Variants in VIPR1 observed in about 807,000 individuals in gnomAD.
VIPR1 encodes vasoactive intestinal peptide receptor 1.
VIPR1 carries 59 observed loss-of-function variants against 58.8 expected under a neutral mutation model. That is an observed-to-expected ratio of 1.00 (90% CI 0.81 to 1.25). VIPR1 has a LOEUF of 1.25. VIPR1 is among the 50% of genes most tolerant of loss of function. VIPR1 has a pLI of 0.00. For missense variants in VIPR1, 626 were observed against 602.7 expected (o/e 1.04, Z -0.40); for synonymous variants, 251 against 242.1 (o/e 1.04, Z -0.34).
intron 1 of VIPR1, among the ~76,000 whole-genome samples, chr3:42,496,698 T>A (rs1472305262): frequency 2.0e-5 from 3 of 152,234 alleles, no homozygotes; most frequent in African/African-American, 7.2e-5. Context: ...GTGCCTTTTG[T>A]TTTCTATCTT....
chr3:42,495,818 A>G (rs940993532), intron 1 of VIPR1, among the ~76,000 whole-genome samples: 3 of 152,156 alleles, frequency 2.0e-5, no homozygotes, highest in Admixed American at 6.5e-5. Flanking sequence ...AGCTGCAAAA[A>G]ATTGAACCAC....
At chr3:42,518,742 T>TAAGTAAATAAATAATA (rs138284734) in intron 2 of VIPR1, among the ~76,000 whole-genome samples, 42,432 of 151,888 alleles carry the variant, frequency 0.28, 9,078 homozygotes, top group African/African-American at 0.59. Context: ...AAAAAATAAG[T>TAAGTAAATAAATAATA]AAGTAAATGG....
chr3:42,493,638 C>T (rs991501705), intron 1 of VIPR1, among the ~76,000 whole-genome samples: 5 of 152,190 alleles, frequency 3.3e-5, no homozygotes, highest in Admixed American at 2.6e-4. Context: ...ACCCATCCTT[C>T]AGTCAGGGGA....
chr3:42,489,678 G>T (rs1033025386), exon 1 of VIPR1: 1 of 152,236 alleles, frequency 6.6e-6, no homozygotes, highest in Non-Finnish European at 1.5e-5. Flanking sequence ...CCGTGTGGAC[G>T]GTAGGGTAAG....
chr3:42,496,150 T>C (rs1577190808), intron 1 of VIPR1, among the ~76,000 whole-genome samples: 1 of 152,190 alleles, frequency 6.6e-6, no homozygotes, highest in East Asian at 1.9e-4. Flanking sequence ...AGCAGGAGAA[T>C]GGCTTGAACC....
rs756852709 is a variant in VIPR1, at chr3:42,532,232, C to T, written c.919-10C>T. 25 of 1,614,144 alleles carry T rather than the reference C, an allele frequency of 1.5e-5. No homozygotes were observed. In the East Asian group the frequency reaches 3.3e-4, roughly 22 times the overall value. On this transcript the variant is annotated splice_polypyrimidine_tract_variant and intron_variant, in intron 9 of 12. Transcript: ENST00000325123. Reference sequence around the variant, plus strand: ...CTCTGACTGCCCGAACTCGGGTCCCCACCCACTAGGTAAACTTCATCCTGT... The same window carrying T: ...CTCTGACTGCCCGAACTCGGGTCCCTACCCACTAGGTAAACTTCATCCTGT...
intron 6 of VIPR1, chr3:42,530,353 T>C (rs1255187083): frequency 5.5e-6 from 1 of 180,424 alleles, no homozygotes; most frequent in East Asian, 1.4e-4. Context: ...AATGGAGAGA[T>C]AGGTGTGTGG....
upstream of VIPR1, among the ~76,000 whole-genome samples, chr3:42,498,073 C>G (rs1699800915): frequency 6.6e-6 from 1 of 152,208 alleles, no homozygotes; most frequent in Non-Finnish European, 1.5e-5. Context: ...CTTCCTCTAT[C>G]CCCTGGAGCA....
At chr3:42,495,053 A>G (rs1431539219) in intron 1 of VIPR1, among the ~76,000 whole-genome samples, 1 of 152,212 alleles carries the variant, frequency 6.6e-6, no homozygotes, top group East Asian at 1.9e-4. Flanking sequence ...TAAGAAAATC[A>G]AACCCAAATA....
At chr3:42,495,341 TCC>T (rs1699738549) in intron 1 of VIPR1, among the ~76,000 whole-genome samples, 1 of 152,188 alleles carries the variant, frequency 6.6e-6, no homozygotes, top group Non-Finnish European at 1.5e-5. Flanking sequence ...CAGGATGGTT[TCC>T]ATCTCCTGAC....
Position 42,536,109 on chromosome 3 carries a change from G to A in VIPR1, c.1202G>A (p.Arg401Gln). Residue 401 changes from arginine to glutamine, a missense_variant, in exon 13 of 13, where the codon CGG (arginine) becomes CAG (glutamine). Transcript: ENST00000325123. Reference sequence around the variant, plus strand: ...TCCTAGGTGCAGGCGGAGCTGAGGCGGAAGTGGCGGCGCTGGCACCTGCAG... The same window carrying A: ...TCCTAGGTGCAGGCGGAGCTGAGGCAGAAGTGGCGGCGCTGGCACCTGCAG... ...LNGEVQAELR[R>Q]KWRRWHLQGV... 3 of 1,601,200 alleles carry A rather than the reference G, an allele frequency of 1.9e-6. No homozygotes were observed. The highest frequency in any genetic ancestry group is 1.3e-5 in the African/African-American group (1 of 74,774).
At chr3:42,497,659 C>G (rs1699790070), upstream of VIPR1, among the ~76,000 whole-genome samples, 1 of 152,084 alleles carries the variant, frequency 6.6e-6, no homozygotes, top group Non-Finnish European at 1.5e-5. Flanking sequence ...GTGGGAGGGA[C>G]CTGGTGGGAG....
chr3:42,523,588 C>G (rs561257697), intron 3 of VIPR1, among the ~76,000 whole-genome samples: 2 of 145,996 alleles, frequency 1.4e-5, no homozygotes, highest in African/African-American at 5.2e-5. Context: ...AATGTTTACC[C>G]TAACACCTCC....
At chr3:42,535,714 G>A (rs960640807) in intron 12 of VIPR1, among the ~76,000 whole-genome samples, 1 of 152,140 alleles carries the variant, frequency 6.6e-6, no homozygotes, top group Non-Finnish European at 1.5e-5. Context: ...AGTGGGGAGG[G>A]ATGAGGGCTT....
In VIPR1 at chr3:42,514,541, C is replaced by CCACACACACACA. The variant is rs111610459; in HGVS notation, c.184+708_184+719dup. Reference sequence around the variant, plus strand: ...TACATCCAGAGGACCGATAGTGACACCACACACACACACACACACACACAC... The same window carrying CCACACACACACA: ...TACATCCAGAGGACCGATAGTGACACCACACACACACACACACACACACACACACACACACAC... On this transcript the variant is annotated intron_variant, in intron 2 of 12. Coordinates refer to ENST00000325123, the MANE Select transcript of VIPR1 (RefSeq NM_004624.4). Among the ~76,000 whole-genome samples, 960 of 144,144 alleles carry CCACACACACACA rather than the reference C, an allele frequency of 6.7e-3. 12 individuals are homozygous for CCACACACACACA. The highest frequency in any genetic ancestry group is 0.02 in the East Asian group (92 of 4,712). The allele number at this position is 144,144 out of a possible 152,430, so 94.6% of individuals were successfully genotyped here.
intron 10 of VIPR1, chr3:42,534,408 A>C (rs1701737074): frequency 6.5e-6 from 1 of 152,964 alleles, no homozygotes; most frequent in South Asian, 2.1e-4. Context: ...CATAGTACCC[A>C]AAACACTTCC....
At chr3:42,516,566 A>G (rs1700637122) in intron 2 of VIPR1, 1 of 152,290 alleles carries the variant, frequency 6.6e-6, no homozygotes, top group African/African-American at 2.4e-5. Flanking sequence ...TCAGGGCCAG[A>G]GACCCAGCCC....
Position 42,536,658 on chromosome 3 carries a change from A to C in VIPR1, c.*377A>C. ...AAAGCAACCGGTGGATCCTCAAACA[A>C]CACTGGTGTGACCTGAGGGCAGAAA... On this transcript the variant is annotated 3_prime_UTR_variant, in exon 13 of 13. Coordinates refer to ENST00000325123, the MANE Select transcript of VIPR1 (RefSeq NM_004624.4). The C allele has an allele frequency of 5.4e-6, 1 of 184,860 alleles. No individual in the cohort carries two copies. Among genetic ancestry groups the C allele is most frequent in the East Asian group, 1.4e-4 (1 of 6,922 alleles). 11.5% of individuals were successfully genotyped at this position (184,860 alleles called of 1,614,324 possible).
At chr3:42,530,971 G>C (rs769520821) in intron 7 of VIPR1, 39 bp downstream of exon 7, 2 of 1,610,444 alleles carry the variant, frequency 1.2e-6, no homozygotes, top group South Asian at 2.2e-5. Flanking sequence ...GGGGACAGAG[G>C]GGGCAAGGCC....
Sources: gnomAD v4.1 joint callset for allele counts (sites outside exome capture counted in the v4.1 genomes callset) on GRCh38, gnomAD v4.1.1 for gene constraint, MANE v1.5 for transcripts, NCBI Gene and HGNC (gene_info 2026-07-23, HGNC 2026-07-21) for gene names.